The following ARNT2 variants were observed in gnomAD, a reference collection of about 807,000 sequenced individuals.
The protein encoded by ARNT2 is ARNT protein 2.
In ARNT2, 36 loss-of-function variants were observed where a neutral mutation model predicts 91.7. The observed-to-expected ratio is 0.39, with a 90% CI of 0.30 to 0.52. The LOEUF (loss-of-function observed/expected upper bound fraction) is 0.52. Among genes scored for constraint, ARNT2 ranks in the 20% least tolerant of loss-of-function variants. ARNT2 has a pLI of 0.72. For missense variants in ARNT2, 775 were observed against 939.3 expected (o/e 0.83, Z 2.29); for synonymous variants, 365 against 347.1 (o/e 1.05, Z -0.57).
chr15:80,467,047 A>G (rs1011972419), intron 3 of ARNT2, among the ~76,000 whole-genome samples: 2 of 152,238 alleles, frequency 1.3e-5, no homozygotes, highest in Admixed American at 6.5e-5. Flanking sequence ...TATCAGAAGC[A>G]AGTGTGCGTC....
intron 1 of ARNT2, among the ~76,000 whole-genome samples, chr15:80,421,841 G>GT (rs1895865673): frequency 6.6e-6 from 1 of 152,134 alleles, no homozygotes; most frequent in Non-Finnish European, 1.5e-5. Flanking sequence ...TCATTACCAG[G>GT]TTTCAGGGTC....
intron 8 of ARNT2, among the ~76,000 whole-genome samples, chr15:80,532,135 C>T (rs1001027805): frequency 9.8e-5 from 15 of 152,298 alleles, no homozygotes; most frequent in African/African-American, 3.6e-4. Flanking sequence ...TAGAATAGGA[C>T]CATGGTTATT....
chr15:80,404,567 C>G lies in ARNT2; in HGVS notation c.31+21C>G. 5 of 1,094,764 alleles carry G rather than the reference C, an allele frequency of 4.6e-6. No homozygotes were observed. The highest frequency in any genetic ancestry group is 5.6e-6 in the Non-Finnish European group (5 of 896,128). 67.8% of individuals were successfully genotyped at this position (1,094,764 alleles called of 1,614,324 possible). ...TCCGGGTGAGTAGCGGCCTGGGCCCCGCCGCCCGCCGCAGCCCGCAGGCCT... is the reference window on the plus strand; with the variant it reads ...TCCGGGTGAGTAGCGGCCTGGGCCCGGCCGCCCGCCGCAGCCCGCAGGCCT... On this transcript the variant is annotated intron_variant, in intron 1 of 18. Coordinates refer to ENST00000303329, the MANE Select transcript of ARNT2 (RefSeq NM_014862.4). The surrounding 1 kb of genome is among the most constrained non-coding windows in gnomAD (Gnocchi z 5.5).
Position 80,514,409 on chromosome 15 carries a change from A to G in ARNT2, c.877+4A>G, listed in dbSNP as rs764542180. ...ATCAAGGCCTGGCCACCAGCAGGTA[A>G]GGAGACCTGCATGTAAATTCCACGG... On this transcript the variant is annotated splice_donor_region_variant and intron_variant, in intron 8 of 18. Coordinates refer to ENST00000303329, the MANE Select transcript of ARNT2 (RefSeq NM_014862.4). 3.7e-6 allele frequency: 6 copies of G among 1,613,468 alleles called. No individual in the cohort carries two copies. Among genetic ancestry groups the G allele is most frequent in the Non-Finnish European group, 5.1e-6 (6 of 1,179,474 alleles).
intron 15 of ARNT2, among the ~76,000 whole-genome samples, chr15:80,578,660 T>C (rs1898730868): frequency 6.6e-6 from 1 of 151,504 alleles, no homozygotes; most frequent in Non-Finnish European, 1.5e-5. Context: ...TGATGAGTGA[T>C]GGGGAAGGAA....
At chr15:80,530,109 C>T (rs1465943619) in intron 8 of ARNT2, among the ~76,000 whole-genome samples, 5 of 152,116 alleles carry the variant, frequency 3.3e-5, no homozygotes, top group Non-Finnish European at 7.3e-5. Flanking sequence ...TGTGGCTCAA[C>T]TTCGAGAGGT....
chr15:80,574,852 A>G, intron 13 of ARNT2, 135 bp from the exon 14 acceptor site: 1 of 1,164,682 alleles, frequency 8.6e-7, no homozygotes, highest in South Asian at 1.7e-5. Context: ...CCCACCCGAT[A>G]AAATGTTCCA....
intron 11 of ARNT2, 77 bp from the exon 12 acceptor site, chr15:80,563,011 C>T: frequency 6.5e-7 from 1 of 1,547,428 alleles, no homozygotes; most frequent in South Asian, 1.1e-5. Flanking sequence ...CGCAACCCCA[C>T]TGCCTGCAGC....
intron 8 of ARNT2, among the ~76,000 whole-genome samples, chr15:80,524,007 A>T (rs75650889): frequency 6.6e-6 from 1 of 152,224 alleles, no homozygotes; most frequent in Non-Finnish European, 1.5e-5. Flanking sequence ...AGGAGGAATT[A>T]ATCTCCTTAG....
rs146046025 is a variant in ARNT2, at chr15:80,460,529, C to T, written c.194+2553C>T. ...CCAGTGCCATAAATGTTCTCAGGCC[C>T]GCTCCACCACATCCCAAGGCCTCAG... On this transcript the variant is annotated intron_variant, in intron 3 of 18. Transcript: ENST00000303329. 1.4e-4 allele frequency among the ~76,000 whole-genome samples: 21 copies of T among 152,298 alleles called. No homozygotes were observed. The East Asian group carries it at 3.1e-3, about 22-fold the overall frequency.
At chr15:80,574,119 T>A in intron 12 of ARNT2, 29 bp from the exon 13 acceptor site, 1 of 1,608,744 alleles carries the variant, frequency 6.2e-7, no homozygotes, top group South Asian at 1.1e-5. Flanking sequence ...CTGTTCTTCA[T>A]GACCCTCTGT....
intron 8 of ARNT2, among the ~76,000 whole-genome samples, chr15:80,519,201 A>C (rs918118230): frequency 1.3e-5 from 2 of 152,132 alleles, no homozygotes. Flanking sequence ...TCATTTTAGG[A>C]GATTTATTTG....
chr15:80,582,973 C>T (rs1159439061), intron 17 of ARNT2, among the ~76,000 whole-genome samples: 1 of 152,190 alleles, frequency 6.6e-6, no homozygotes, highest in Non-Finnish European at 1.5e-5. Context: ...TCAAGGCCTC[C>T]TGGGTACCTA....
rs914482665 is a variant in ARNT2, at chr15:80,414,455, C to A, written c.31+9909C>A. Among the ~76,000 whole-genome samples the A allele has an allele frequency of 4.6e-5, 7 of 152,036 alleles. No individual in the cohort carries two copies. The East Asian group carries it at 1.4e-3, about 29-fold the overall frequency. On this transcript the variant is annotated intron_variant, in intron 1 of 18. Transcript: ENST00000303329. ...CAGGAGTTTCACAAGGACATGTGGC[C>A]CCCAGATAATAAAGGGCTGGCCCCT...
Position 80,465,285 on chromosome 15 carries a change from C to T in ARNT2, c.195-4933C>T, listed in dbSNP as rs529592135. Among the ~76,000 whole-genome samples the T allele has an allele frequency of 7.9e-5, 12 of 152,246 alleles. No individual in the cohort carries two copies. The South Asian group carries it at 2.5e-3, about 32-fold the overall frequency. ...TGGGGAAATGAGCACAAATTCTGCC[C>T]TGAGTGAGGCCTGTTTCCAAGCCCG... On this transcript the variant is annotated intron_variant, in intron 3 of 18. Transcript: ENST00000303329.
Position 80,581,340 on chromosome 15 carries a change from C to G in ARNT2, c.1854C>G (p.Ser618Arg). 6.2e-7 allele frequency: 1 copy of G among 1,614,224 alleles called. No individual in the cohort carries two copies. The highest frequency in any genetic ancestry group is 8.5e-7 in the Non-Finnish European group (1 of 1,180,042). Residue 618 changes from serine (S) to arginine (R), a missense_variant, in exon 17 of 19, where the codon AGC becomes AGG. By Grantham distance (110) the Ser-to-Arg change is moderately radical. Transcript: ENST00000303329. Reference sequence around the variant, plus strand: ...CCTCTTCCTACAGCCCCCTCTCCAGCCCAGCTACCTCCTCGCCAAGTGGGA... The same window carrying G: ...CCTCTTCCTACAGCCCCCTCTCCAGGCCAGCTACCTCCTCGCCAAGTGGGA... Reference protein sequence around the residue: ...ADPSSYSPLSSPATSSPSGNA... With the variant: ...ADPSSYSPLSRPATSSPSGNA...
intron 8 of ARNT2, among the ~76,000 whole-genome samples, chr15:80,528,925 G>T (rs1196737982): frequency 6.6e-6 from 1 of 152,102 alleles, no homozygotes; most frequent in Non-Finnish European, 1.5e-5. Context: ...CAAGAAACAG[G>T]TTTGCCATTT....
Position 80,404,678 on chromosome 15 carries a change from G to A in ARNT2, c.31+132G>A. ...CGGCGCGGTGGGTGGTGGAGCGGCT[G>A]TCACTACGCGGCAGCCGCAGCATCA... On this transcript the variant is annotated intron_variant, in intron 1 of 18. Transcript: ENST00000303329. This position sits in a 1 kb window ranked among gnomAD's most constrained non-coding sequence, Gnocchi z 5.5. 2.1e-6 allele frequency: 1 copy of A among 486,478 alleles called. No homozygotes were observed. The highest frequency in any genetic ancestry group is 2.7e-6 in the Non-Finnish European group (1 of 371,020). 30.1% of individuals were successfully genotyped at this position (486,478 alleles called of 1,614,324 possible). A position where few individuals can be genotyped will look rare whatever the true frequency, so the allele number is the denominator to read the frequency against.
Position 80,547,844 on chromosome 15 carries a change from A to G in ARNT2, c.878-3355A>G, listed in dbSNP as rs188490586. ...ATGTGTCAACATTTAGAAGGTCTGT[A>G]TAATACGGTGAACTAGTATTTTCCA... On this transcript the variant is annotated intron_variant, in intron 8 of 18. Coordinates refer to ENST00000303329, the MANE Select transcript of ARNT2 (RefSeq NM_014862.4). 6.0e-3 allele frequency among the ~76,000 whole-genome samples: 914 copies of G among 152,304 alleles called. 17 individuals are homozygous for G. The highest frequency in any genetic ancestry group is 0.021 in the African/African-American group (890 of 41,564).
Sources: allele counts gnomAD v4.1 joint callset (sites outside exome capture counted in the v4.1 genomes callset), GRCh38; gene constraint gnomAD v4.1.1; non-coding constraint Gnocchi (gnomAD v3.1); transcripts MANE v1.5; gene names NCBI Gene and HGNC (gene_info 2026-07-23, HGNC 2026-07-21).